The following GPNMB variants were observed in gnomAD, a reference collection of about 807,000 sequenced individuals.
GPNMB encodes the protein transmembrane glycoprotein NMB.
GPNMB carries 71 observed loss-of-function variants against 57.3 expected under a neutral mutation model. That is an observed-to-expected ratio of 1.24 (90% confidence interval 1.02 to 1.51). The LOEUF (loss-of-function observed/expected upper bound fraction) is 1.51. Ranked by LOEUF, GPNMB falls within the 40% of genes most tolerant of loss-of-function variation. The pLI is 0.00. For synonymous variants in GPNMB, 253 were observed against 263.2 expected, an observed-to-expected ratio of 0.96 and a Z score of 0.38; for missense variants, 677 against 691.9, an observed-to-expected ratio of 0.98 and a Z score of 0.24.
intron 6 of GPNMB, among the ~76,000 whole-genome samples, chr7:23,261,629 C>T (rs781063809): frequency 4.0e-5 from 6 of 151,494 alleles, no homozygotes; most frequent in Admixed American, 3.3e-4. Flanking sequence ...CAGGGCCTGT[C>T]GGGGGGTAGG....
chr7:23,260,008 T>C lies in GPNMB; in HGVS notation c.570T>C (p.Cys190=), dbSNP rs768292687. ...AGTATTTCCAGAAATTGGGACGATG[T>C]TCAGTGAGAGTTTCTGTGAACACAG... ...LGQYFQKLGR[C]SVRVSVNTAN... Residue 190 remains cysteine, a synonymous_variant, in exon 5 of 11, where the codon TGT becomes TGC. Coordinates refer to ENST00000258733, the MANE Select transcript of GPNMB (RefSeq NM_002510.3). 8.1e-6 allele frequency: 13 copies of C among 1,614,152 alleles called. No homozygotes were observed. The highest frequency in any genetic ancestry group is 1.1e-5 in the Non-Finnish European group (13 of 1,180,010).
chr7:23,267,923 C>A lies in GPNMB; in HGVS notation c.1155C>A (p.Asp385Glu). The change falls in exon 8 of 11, where the codon GAC becomes GAA. Residue 385 changes from aspartate to glutamate, a missense_variant. Physicochemically the swap from Asp to Glu is conservative, Grantham distance 45. Transcript: ENST00000258733. The part of the protein sequence containing the change: ...ILEVNIIQMT[D>E]VLMPVPWPES... ...AGGTTAACATCATCCAGATGACAGA[C>A]GTCCTGATGCCGGTGCCATGGCCTG... The A allele has an allele frequency of 6.2e-7, 1 of 1,613,394 alleles. No individual in the cohort carries two copies. The highest frequency in any genetic ancestry group is 1.1e-5 in the South Asian group (1 of 91,058).
chr7:23,260,256 A>C (rs1782884535), intron 5 of GPNMB, 118 bp downstream of exon 5: 1 of 1,118,932 alleles, frequency 8.9e-7, no homozygotes, highest in Non-Finnish European at 1.3e-6. Flanking sequence ...GGCCCACCTA[A>C]GCTTGTGTAT....
At chr7:23,254,111 T>C (rs1367079141) in intron 2 of GPNMB, 58 bp from the exon 3 acceptor site, 13 of 1,539,860 alleles carry the variant, frequency 8.4e-6, no homozygotes, top group Non-Finnish European at 1.1e-5. Flanking sequence ...GCTCTAAATG[T>C]TTATGAACGA....
At chr7:23,268,951 C>G (rs1783133473) in intron 8 of GPNMB, among the ~76,000 whole-genome samples, 1 of 152,150 alleles carries the variant, frequency 6.6e-6, no homozygotes, top group African/African-American at 2.4e-5. Context: ...TGGCAGGTAG[C>G]CCAGCATCAA....
intron 4 of GPNMB, chr7:23,257,322 T>G: frequency 1.7e-6 from 1 of 589,184 alleles, no homozygotes; most frequent in South Asian, 2.2e-5. Flanking sequence ...CAAAACCACT[T>G]AATTTTTTTC....
chr7:23,273,415 A>G, intron 9 of GPNMB, 106 bp from the exon 10 acceptor site: 1 of 725,364 alleles, frequency 1.4e-6, no homozygotes, highest in East Asian at 2.5e-5. Flanking sequence ...AGAGGGAGCC[A>G]TATATCTTCT....
chr7:23,251,312 T>C (rs936414686), intron 1 of GPNMB, among the ~76,000 whole-genome samples: 10 of 152,182 alleles, frequency 6.6e-5, no homozygotes, highest in African/African-American at 2.2e-4. Context: ...CCACACCTCA[T>C]GGAGGATCTC....
Position 23,266,239 on chromosome 7 carries a change from G to A in GPNMB, c.1019-278G>A, listed in dbSNP as rs1783057832. On this transcript the variant is annotated intron_variant, in intron 6 of 10. Coordinates refer to ENST00000258733, the MANE Select transcript of GPNMB (RefSeq NM_002510.3). Reference sequence around the variant, plus strand: ...GCTGGGATTACAGGCATGAGCCACTGCACCCGGCCAGTTTCAACGTCTTAT... The same window carrying A: ...GCTGGGATTACAGGCATGAGCCACTACACCCGGCCAGTTTCAACGTCTTAT... 13 of 394,990 alleles carry A rather than the reference G, an allele frequency of 3.3e-5. No individual in the cohort carries two copies. In the South Asian group the frequency reaches 3.7e-4, roughly 11 times the overall value. 24.5% of individuals were successfully genotyped at this position (394,990 alleles called of 1,614,324 possible).
At position 23,253,300 on chromosome 7, in the gene GPNMB, G is replaced by C. The variant is rs764723608; in HGVS notation, c.71-7G>C. The C allele has an allele frequency of 1.2e-6, 2 of 1,609,910 alleles. No individual in the cohort carries two copies. Among genetic ancestry groups the C allele is most frequent in the Admixed American group, 3.4e-5 (2 of 59,376 alleles). ...AAGAATGGAATTTGTTTCGAATATT[G>C]ATACAGGATTTCATGATGTGCTGGG... On this transcript the variant is annotated splice_polypyrimidine_tract_variant and splice_region_variant and intron_variant, in intron 1 of 10. Coordinates refer to ENST00000258733, the MANE Select transcript of GPNMB (RefSeq NM_002510.3).
At position 23,260,611 on chromosome 7, in the gene GPNMB, G is replaced by A. The variant is rs768372397; in HGVS notation, c.856G>A (p.Gly286Arg). ...TACCATTAACTACAAGTGGAGCTTC[G>A]GGGATAATACTGGCCTGTTTGTTTC... ...YSTINYKWSF[G>R]DNTGLFVSTN... Residue 286 changes from glycine to arginine, a missense_variant, in exon 6 of 11, where the codon GGG becomes AGG. By Grantham distance (125) the Gly-to-Arg change is moderately radical. Transcript: ENST00000258733. 1.4e-5 allele frequency: 22 copies of A among 1,613,900 alleles called. No homozygotes were observed. Among genetic ancestry groups the A allele is most frequent in the African/African-American group, 6.7e-5 (5 of 74,874 alleles).
intron 6 of GPNMB, 116 bp from the exon 7 acceptor site, chr7:23,266,401 T>C (rs156429): frequency 0.42 from 389,247 of 917,452 alleles, 90,665 homozygotes; most frequent in African/African-American, 0.87. Context: ...CATAGTATAG[T>C]GTTCCTGATA....
chr7:23,272,321 C>G (rs1206411533), intron 9 of GPNMB, among the ~76,000 whole-genome samples: 1 of 152,126 alleles, frequency 6.6e-6, no homozygotes, highest in Non-Finnish European at 1.5e-5. Context: ...GAGTCATTTT[C>G]AAAAGCCAAA....
Position 23,256,895 on chromosome 7 carries a change from C to T in GPNMB, c.371C>T (p.Ala124Val). The T allele has an allele frequency of 6.2e-7, 1 of 1,613,588 alleles. No individual in the cohort carries two copies. Among genetic ancestry groups the T allele is most frequent in the South Asian group, 1.1e-5 (1 of 91,060 alleles). ...GCTGGTTTCTATCTCTGTTTAGAGG[C>T]TGGTTTATCTGCTGATCCGTATGTT... ...IVYEKNCRNE[A>V]GLSADPYVYN... Residue 124 changes from alanine to valine, a missense_variant, in exon 4 of 11, where the codon GCT becomes GTT. Coordinates refer to ENST00000258733, the MANE Select transcript of GPNMB (RefSeq NM_002510.3).
intron 1 of GPNMB, among the ~76,000 whole-genome samples, chr7:23,251,362 C>T (rs1235918291): frequency 3.3e-5 from 5 of 152,198 alleles, no homozygotes; most frequent in Non-Finnish European, 5.9e-5. Context: ...AGTTTCTCTC[C>T]TCCAAGAGTC....
intron 2 of GPNMB, 96 bp from the exon 3 acceptor site, chr7:23,254,073 G>C: frequency 9.3e-7 from 1 of 1,072,252 alleles, no homozygotes; most frequent in South Asian, 2.1e-5. Context: ...GAGGCATATG[G>C]GTCCTCTGGT....
intron 6 of GPNMB, 70 bp downstream of exon 6, chr7:23,260,843 A>C (rs1348561779): frequency 8.4e-7 from 1 of 1,188,788 alleles, no homozygotes; most frequent in Non-Finnish European, 1.2e-6. Flanking sequence ...AGGTCATATT[A>C]TTAAATCCCT....
At position 23,260,601 on chromosome 7, in the gene GPNMB, G is replaced by T. The variant is rs1386851586; in HGVS notation, c.846G>T (p.Lys282Asn). The T allele has an allele frequency of 6.2e-7, 1 of 1,614,118 alleles. No individual in the cohort carries two copies. Among genetic ancestry groups the T allele is most frequent in the Non-Finnish European group, 8.5e-7 (1 of 1,179,990 alleles). Reference protein sequence around the residue: ...HFLNYSTINYKWSFGDNTGLF... With the variant: ...HFLNYSTINYNWSFGDNTGLF... ...TCAATTATTCTACCATTAACTACAA[G>T]TGGAGCTTCGGGGATAATACTGGCC... Residue 282 changes from lysine (K) to asparagine (N), a missense_variant, in exon 6 of 11, where the codon AAG becomes AAT. Transcript: ENST00000258733.
chr7:23,253,230 A>T, intron 1 of GPNMB, 77 bp from the exon 2 acceptor site: 1 of 1,269,668 alleles, frequency 7.9e-7, no homozygotes, highest in Non-Finnish European at 1.1e-6. Context: ...TTCAACAGTA[A>T]GAAATAAAAA....
Sources: allele counts gnomAD v4.1 joint callset (sites outside exome capture counted in the v4.1 genomes callset), GRCh38; gene constraint gnomAD v4.1.1; transcripts MANE v1.5; gene names NCBI Gene and HGNC (gene_info 2026-07-23, HGNC 2026-07-21).